Variants in CHD9 observed in about 807,000 individuals in gnomAD.
CHD9 encodes the protein chromodomain helicase DNA binding protein 9, also known as ATP-dependent chromatin remodeler CHD9.
In CHD9, 77 loss-of-function variants were observed where a neutral mutation model predicts 316.1. The ratio of observed to expected loss-of-function variants is 0.24; its 90% CI spans 0.20 to 0.29. The LOEUF is 0.29. Among genes scored for constraint, CHD9 ranks in the 10% least tolerant of loss-of-function variants. The probability of loss-of-function intolerance (pLI) is 1.00; values close to 1 mark genes in which losing one functional copy is unlikely to be tolerated. For synonymous variants in CHD9, 1,129 were observed against 1,158.3 expected (o/e 0.97, Z 0.51); for missense variants, 2,763 against 3,438.1 (o/e 0.80, Z 4.91).
intron 1 of CHD9, among the ~76,000 whole-genome samples, chr16:53,128,958 G>A (rs1465269654): frequency 1.3e-5 from 2 of 152,188 alleles, no homozygotes; most frequent in Non-Finnish European, 2.9e-5. Flanking sequence ...TAGAAGAATA[G>A]AGAAGTGTCA....
intron 1 of CHD9, among the ~76,000 whole-genome samples, chr16:53,136,012 A>G (rs2039685166): frequency 1.3e-5 from 2 of 152,104 alleles, no homozygotes; most frequent in South Asian, 4.1e-4. Flanking sequence ...CATTCTTTTC[A>G]GTTATTAGCT....
intron 1 of CHD9, among the ~76,000 whole-genome samples, chr16:53,140,877 T>C (rs1184557011): frequency 6.6e-6 from 1 of 152,196 alleles, no homozygotes; most frequent in Non-Finnish European, 1.5e-5. Context: ...TTTAAGAGTT[T>C]TCCTTTCTGT....
intron 2 of CHD9, chr16:53,208,315 A>G (rs2046043645): frequency 7.8e-7 from 1 of 1,281,644 alleles, no homozygotes; most frequent in African/African-American, 1.5e-5. Flanking sequence ...TCTGACGCCA[A>G]AAATGTCTTC....
chr16:53,256,381 CTTTTTTTT>C (rs1163977563), intron 19 of CHD9, among the ~76,000 whole-genome samples: 2 of 99,260 alleles, frequency 2.0e-5, no homozygotes, highest in Non-Finnish European at 2.0e-5. Flanking sequence ...TTTTTCTTTT[CTTTTTTTT>C]TTTTTTTTTT....
chr16:53,068,070 A>C (rs1039294969), intron 1 of CHD9, among the ~76,000 whole-genome samples: 4 of 152,064 alleles, frequency 2.6e-5, no homozygotes, highest in Non-Finnish European at 4.4e-5. Context: ...TAAATAAATA[A>C]AAATTTGAAA....
intron 1 of CHD9, among the ~76,000 whole-genome samples, chr16:53,123,857 T>C (rs1414525366): frequency 2.0e-5 from 3 of 152,204 alleles, no homozygotes; most frequent in Non-Finnish European, 4.4e-5. Context: ...TGAGTTGGCT[T>C]ACTAGGGGAT....
At chr16:53,107,508 T>C (rs2037462744) in intron 1 of CHD9, among the ~76,000 whole-genome samples, 4 of 147,104 alleles carry the variant, frequency 2.7e-5, no homozygotes, top group Admixed American at 2.7e-4. Flanking sequence ...TAAAATAAAA[T>C]AAAATATAAA....
chr16:53,055,488 A>ACCC (rs2031958493), intron 1 of CHD9, among the ~76,000 whole-genome samples: 4 of 115,724 alleles, frequency 3.5e-5, no homozygotes, highest in Non-Finnish European at 7.5e-5. Flanking sequence ...CCCTAGTTCC[A>ACCC]CCCCCGCCCC....
At chr16:53,185,214 G>A (rs66559239) in intron 2 of CHD9, among the ~76,000 whole-genome samples, 47,237 of 152,100 alleles carry the variant, frequency 0.31, 7,489 homozygotes, top group Middle Eastern at 0.39. Flanking sequence ...GAAAGTTTCA[G>A]ACTTCCTACA....
At chr16:53,279,416 C>T (rs1000785850) in intron 24 of CHD9, among the ~76,000 whole-genome samples, 1 of 151,984 alleles carries the variant, frequency 6.6e-6, no homozygotes, top group African/African-American at 2.4e-5. Context: ...ATGTAAATGA[C>T]GAGTTAATGG....
At chr16:53,259,328 C>G (rs2050878662) in intron 19 of CHD9, among the ~76,000 whole-genome samples, 1 of 151,956 alleles carries the variant, frequency 6.6e-6, no homozygotes, top group African/African-American at 2.4e-5. Context: ...TTAATTTCTT[C>G]CAGGTAAATT....
At chr16:53,320,700 A>G (rs575062502) in intron 37 of CHD9, among the ~76,000 whole-genome samples, 1 of 152,176 alleles carries the variant, frequency 6.6e-6, no homozygotes, top group Non-Finnish European at 1.5e-5. Flanking sequence ...GTCCAAATGT[A>G]ATGTTTTTAA....
chr16:53,273,212 A>C (rs2052458671), intron 22 of CHD9, among the ~76,000 whole-genome samples: 1 of 152,248 alleles, frequency 6.6e-6, no homozygotes, highest in Non-Finnish European at 1.5e-5. Flanking sequence ...AACTAAAATG[A>C]GTTTAGCTAT....
At chr16:53,143,455 C>G (rs2040304622) in intron 1 of CHD9, among the ~76,000 whole-genome samples, 1 of 150,192 alleles carries the variant, frequency 6.7e-6, no homozygotes, top group Non-Finnish European at 1.5e-5. Context: ...TGGTGTGATC[C>G]CCACTTACTG....
chr16:53,163,228 G>C (rs1329702626), intron 2 of CHD9, among the ~76,000 whole-genome samples: 1 of 151,654 alleles, frequency 6.6e-6, no homozygotes, highest in East Asian at 1.9e-4. Context: ...ATTTTTTGTT[G>C]AGACGGAGTT....
At chr16:53,322,904 G>A (rs2057369241) in intron 38 of CHD9, among the ~76,000 whole-genome samples, 1 of 152,160 alleles carries the variant, frequency 6.6e-6, no homozygotes, top group Non-Finnish European at 1.5e-5. Flanking sequence ...ATGTTGAGAT[G>A]ATGGATGATT....
At chr16:53,218,328 A>C (rs981301017) in intron 3 of CHD9, among the ~76,000 whole-genome samples, 4 of 151,924 alleles carry the variant, frequency 2.6e-5, no homozygotes, top group African/African-American at 9.7e-5. Flanking sequence ...TTTTTAAGTA[A>C]AATTTTCAAA....
intron 22 of CHD9, 78 bp downstream of exon 22, chr16:53,268,204 T>C: frequency 1.0e-6 from 1 of 987,702 alleles, no homozygotes; most frequent in South Asian, 1.8e-5. Flanking sequence ...TCCTATAAAA[T>C]ATAAAAGCAT....
At chr16:53,115,149 C>T (rs1460622116) in intron 1 of CHD9, among the ~76,000 whole-genome samples, 1 of 152,126 alleles carries the variant, frequency 6.6e-6, no homozygotes, top group Non-Finnish European at 1.5e-5. Context: ...CTAAGGCTGC[C>T]TCTTGTGATA....
Sources: gnomAD v4.1 joint callset for allele counts (sites outside exome capture counted in the v4.1 genomes callset) on GRCh38, gnomAD v4.1.1 for gene constraint, MANE v1.5 for transcripts, NCBI Gene and HGNC (gene_info 2026-07-23, HGNC 2026-07-21) for gene names.